UBE2G1: variants seen among roughly 807,000 people sequenced by gnomAD.
UBE2G1 encodes ubiquitin-conjugating enzyme E2 G1.
In UBE2G1, 5 loss-of-function variants were observed where a neutral mutation model predicts 22.7. The observed-to-expected ratio is 0.22, with a 90% CI of 0.12 to 0.46. The LOEUF (loss-of-function observed/expected upper bound fraction) is 0.46. Among genes scored for constraint, UBE2G1 ranks in the 20% least tolerant of loss-of-function variants. UBE2G1 has a pLI of 0.99. For missense variants in UBE2G1, 88 were observed against 203.9 expected, an observed-to-expected ratio of 0.43 and a Z score of 3.46; for synonymous variants, 74 against 67.5, an observed-to-expected ratio of 1.10 and a Z score of -0.47.
intron 1 of UBE2G1, among the ~76,000 whole-genome samples, chr17:4,340,673 C>A (rs1969700926): frequency 2.6e-5 from 4 of 152,148 alleles, no homozygotes; most frequent in Admixed American, 2.6e-4. Context: ...CCCAGCCATG[C>A]AGAACTGTGA....
At chr17:4,356,185 G>A (rs1969904397) in intron 1 of UBE2G1, among the ~76,000 whole-genome samples, 1 of 150,150 alleles carries the variant, frequency 6.7e-6, no homozygotes, top group African/African-American at 2.4e-5. Flanking sequence ...GAGAAACCCC[G>A]TCTCTACTAA....
intron 1 of UBE2G1, among the ~76,000 whole-genome samples, chr17:4,359,144 T>A (rs1969939457): frequency 1.3e-5 from 2 of 152,042 alleles, no homozygotes; most frequent in South Asian, 4.1e-4. Context: ...TCCTATTTGA[T>A]AAAAGGAAAA....
chr17:4,337,627 T>C (rs532441829), intron 1 of UBE2G1, among the ~76,000 whole-genome samples: 13 of 143,904 alleles, frequency 9.0e-5, no homozygotes, highest in South Asian at 4.3e-4. Flanking sequence ...CACTCCAGCC[T>C]GGGCAACAAG....
At chr17:4,291,652 A>T (rs764581103) in intron 3 of UBE2G1, among the ~76,000 whole-genome samples, 1 of 152,224 alleles carries the variant, frequency 6.6e-6, no homozygotes, top group Non-Finnish European at 1.5e-5. Flanking sequence ...TTTTAGAATG[A>T]GAAGATTTTT....
At chr17:4,302,548 G>A in intron 2 of UBE2G1, 1 of 385,904 alleles carries the variant, frequency 2.6e-6, no homozygotes, top group Non-Finnish European at 5.2e-6. Context: ...TGGACACTGG[G>A]GGATATTTGT....
At chr17:4,326,139 G>C (rs1969502393) in intron 1 of UBE2G1, among the ~76,000 whole-genome samples, 3 of 151,842 alleles carry the variant, frequency 2.0e-5, no homozygotes, top group Admixed American at 2.0e-4. Context: ...TAAAACTTTA[G>C]TTCATCAAAA....
At chr17:4,319,060 G>A (rs1255904324) in intron 1 of UBE2G1, among the ~76,000 whole-genome samples, 1 of 152,050 alleles carries the variant, frequency 6.6e-6, no homozygotes, top group African/African-American at 2.4e-5. Flanking sequence ...CTAATGAAAA[G>A]ATAAATAGTT....
chr17:4,287,102 A>AT (rs60149939), intron 4 of UBE2G1, among the ~76,000 whole-genome samples: 7 of 136,344 alleles, frequency 5.1e-5, no homozygotes, highest in African/African-American at 1.4e-4. Flanking sequence ...GTCAGCTCTG[A>AT]TTTTTTTTTT....
intron 1 of UBE2G1, among the ~76,000 whole-genome samples, chr17:4,312,915 C>T (rs72829384): frequency 0.029 from 4,340 of 151,578 alleles, 101 homozygotes; most frequent in Admixed American, 0.069. Flanking sequence ...ATGCAGGCAA[C>T]GCTGAGTGGA....
At chr17:4,298,076 G>A (rs553124471) in intron 2 of UBE2G1, among the ~76,000 whole-genome samples, 1 of 152,326 alleles carries the variant, frequency 6.6e-6, no homozygotes, top group South Asian at 2.1e-4. Context: ...AAAAATATCA[G>A]TAGTAAGTGT....
At chr17:4,276,615 A>G (rs182970270) in intron 5 of UBE2G1, among the ~76,000 whole-genome samples, 1 of 150,858 alleles carries the variant, frequency 6.6e-6, no homozygotes, top group African/African-American at 2.4e-5. Flanking sequence ...ATGTGTTAGA[A>G]ATAACTATAG....
At chr17:4,358,415 G>A (rs1307691059) in intron 1 of UBE2G1, among the ~76,000 whole-genome samples, 1 of 151,872 alleles carries the variant, frequency 6.6e-6, no homozygotes, top group Non-Finnish European at 1.5e-5. Flanking sequence ...ACAGATGAGA[G>A]CCACCACACC....
chr17:4,333,648 C>G lies in UBE2G1; in HGVS notation c.47-26525G>C, dbSNP rs142338282. ...CATCCTGTCTAACACAGTGAAACCCCGTCTCTACTAAAAATACAAAAAATT... is the reference window on the plus strand; with the variant it reads ...CATCCTGTCTAACACAGTGAAACCCGGTCTCTACTAAAAATACAAAAAATT... On this transcript the variant is annotated intron_variant, in intron 1 of 5. Transcript: ENST00000396981. Among the ~76,000 whole-genome samples, 933 of 151,904 alleles carry G rather than the reference C, an allele frequency of 6.1e-3. 6 individuals are homozygous for G. The highest frequency in any genetic ancestry group is 0.021 in the African/African-American group (868 of 41,432).
chr17:4,285,704 C>A (rs1158335477), intron 4 of UBE2G1, among the ~76,000 whole-genome samples: 2 of 152,182 alleles, frequency 1.3e-5, no homozygotes, highest in Non-Finnish European at 2.9e-5. Context: ...GTAATCCCAG[C>A]ACTTTGGGAG....
chr17:4,304,766 T>C (rs1242837638), intron 2 of UBE2G1, among the ~76,000 whole-genome samples: 1 of 152,032 alleles, frequency 6.6e-6, no homozygotes, highest in Non-Finnish European at 1.5e-5. Context: ...TTATTTTCAA[T>C]CCTATAACAC....
intron 1 of UBE2G1, among the ~76,000 whole-genome samples, chr17:4,345,131 G>A (rs1969754712): frequency 6.6e-6 from 1 of 152,090 alleles, no homozygotes; most frequent in African/African-American, 2.4e-5. Flanking sequence ...GCACCAAATG[G>A]GCAGCCAGAA....
intron 1 of UBE2G1, among the ~76,000 whole-genome samples, chr17:4,308,190 T>C (rs1194033560): frequency 6.6e-6 from 1 of 151,158 alleles, no homozygotes; most frequent in African/African-American, 2.5e-5. Flanking sequence ...GCCGTCTCTA[T>C]TAAAAATACA....
At chr17:4,341,190 A>G (rs1969708338) in intron 1 of UBE2G1, among the ~76,000 whole-genome samples, 1 of 152,210 alleles carries the variant, frequency 6.6e-6, no homozygotes, top group South Asian at 2.1e-4. Flanking sequence ...AACTTTATAA[A>G]TATTACAAAC....
chr17:4,350,004 C>T (rs1042815360), intron 1 of UBE2G1, among the ~76,000 whole-genome samples: 2 of 152,102 alleles, frequency 1.3e-5, no homozygotes, highest in African/African-American at 4.8e-5. Context: ...TCAGGCTGGT[C>T]TCAAAACTCC....
Sources: gnomAD v4.1 joint callset for allele counts (sites outside exome capture counted in the v4.1 genomes callset) on GRCh38, gnomAD v4.1.1 for gene constraint, MANE v1.5 for transcripts, NCBI Gene and HGNC (gene_info 2026-07-23, HGNC 2026-07-21) for gene names.